Variants in ZNF219 observed in about 807,000 individuals in gnomAD.
ZNF219 encodes the protein zinc finger protein 219.
A neutral mutation model predicts 54.4 loss-of-function variants in ZNF219; 17 were observed. That is an observed-to-expected ratio of 0.31 (90% confidence interval 0.21 to 0.47). ZNF219 has a LOEUF of 0.47. Among genes scored for constraint, ZNF219 ranks in the 20% least tolerant of loss-of-function variants. ZNF219 has a pLI of 1.00. For missense variants in ZNF219, 1,014 were observed against 1,062.3 expected, an observed-to-expected ratio of 0.95 and a Z score of 0.63; for synonymous variants, 518 against 476.4, an observed-to-expected ratio of 1.09 and a Z score of -1.14.
Position 21,092,508 on chromosome 14 carries a change from G to A in ZNF219, c.789C>T (p.Ala263=), listed in dbSNP as rs775665233. Residue 263 remains alanine, a synonymous_variant, in exon 3 of 5, where the codon GCC becomes GCT. Transcript: ENST00000360947. The part of the protein sequence containing the change: ...EREATPTPAP[A]APEEPPAPPE... The stretch of plus-strand genomic sequence containing the variant: ...GAGGCGCTGGGGGCTCCTCGGGAGC[G>A]GCAGGAGCTGGGGTCGGGGTTGCCT... The A allele has an allele frequency of 6.4e-7, 1 of 1,550,896 alleles. No individual in the cohort carries two copies. Among genetic ancestry groups the A allele is most frequent in the African/African-American group, 1.4e-5 (1 of 73,226 alleles).
At chr14:21,091,378 T>C (rs1277097007) in intron 4 of ZNF219, 33 bp downstream of exon 4, 1 of 1,578,564 alleles carries the variant, frequency 6.3e-7, no homozygotes, top group Admixed American at 1.7e-5. Flanking sequence ...CCGCCCCCAG[T>C]CCCCTCTCCA....
chr14:21,091,242 G>A, intron 4 of ZNF219, 102 bp from the exon 5 acceptor site: 3 of 1,512,748 alleles, frequency 2.0e-6, no homozygotes, highest in Middle Eastern at 2.3e-4. Context: ...ACCAAGAAAG[G>A]GCACTGCGTC....
At chr14:21,097,010 A>G (rs1594604336) in intron 1 of ZNF219, among the ~76,000 whole-genome samples, 2 of 152,276 alleles carry the variant, frequency 1.3e-5, no homozygotes, top group South Asian at 4.1e-4. Context: ...ATCTGCTAAC[A>G]ATTATGATTA....
upstream of ZNF219, chr14:21,103,521 C>A: frequency 2.1e-6 from 1 of 472,202 alleles, no homozygotes; most frequent in South Asian, 2.5e-5. Flanking sequence ...TGCCTCATCG[C>A]ACTTTTCTTT....
intron 4 of ZNF219, 127 bp from the exon 5 acceptor site, chr14:21,091,267 A>AGG: frequency 1.3e-6 from 2 of 1,506,866 alleles, no homozygotes; most frequent in Non-Finnish European, 8.9e-7. Context: ...ACCCACTTTG[A>AGG]TTTAATAAAG....
rs567154483 is a variant in ZNF219 at position 21,092,759 on chromosome 14, G to A, written c.538C>T (p.Arg180Cys). 1 of 1,581,256 alleles carries A rather than the reference G, an allele frequency of 6.3e-7. No homozygotes were observed. Among genetic ancestry groups the A allele is most frequent in the Non-Finnish European group, 8.6e-7 (1 of 1,163,690 alleles). The change falls in exon 3 of 5, where the codon CGC becomes TGC. Residue 180 changes from arginine to cysteine, a missense_variant. Transcript: ENST00000360947. ...GGCCTATGCAGGATGTGCAGGTGGC[G>A]TTCGCGCTCCGCCGAGGTGCGAAAC... ...GKFRTSAERE[R>C]HLHILHRPWK...
In ZNF219 at chr14:21,092,746, A is replaced by T; in HGVS notation, c.551T>A (p.Ile184Asn). The T allele has an allele frequency of 6.3e-7, 1 of 1,587,742 alleles. No homozygotes were observed. The highest frequency in any genetic ancestry group is 8.6e-7 in the Non-Finnish European group (1 of 1,167,140). Reference protein sequence around the residue: ...TSAERERHLHILHRPWKCGLC... With the variant: ...TSAERERHLHNLHRPWKCGLC... The stretch of plus-strand genomic sequence containing the variant: ...GCCGCACTTCCAGGGCCTATGCAGG[A>T]TGTGCAGGTGGCGTTCGCGCTCCGC... The change falls in exon 3 of 5, where the codon ATC becomes AAC. Residue 184 changes from isoleucine to asparagine, a missense_variant. Physicochemically the swap from Ile to Asn is moderately radical, Grantham distance 149. This residue lies in a region of ZNF219 where 395 missense variants were observed against 415.1 expected (regional missense o/e 0.95). Coordinates refer to ENST00000360947, the MANE Select transcript of ZNF219 (RefSeq NM_016423.3).
chr14:21,093,305 C>G lies in ZNF219; in HGVS notation c.7-15G>C, dbSNP rs888294991. 3 of 1,556,606 alleles carry G rather than the reference C, an allele frequency of 1.9e-6. No individual in the cohort carries two copies. Among genetic ancestry groups the G allele is most frequent in the Non-Finnish European group, 2.6e-6 (3 of 1,160,162 alleles). On this transcript the variant is annotated splice_polypyrimidine_tract_variant and intron_variant, in intron 2 of 4. Transcript: ENST00000360947. ...GGACGTGAGCCCTGTGGAGAAAGAT[C>G]TGCGTAGAGCAAAGGGTGAAGGTAG...
At position 21,090,923 on chromosome 14, in the gene ZNF219, G is replaced by A. The variant is rs1472935292; in HGVS notation, c.1782C>T (p.Pro594=). The A allele has an allele frequency of 5.2e-6, 8 of 1,547,536 alleles. No individual in the cohort carries two copies. The East Asian group carries it at 1.7e-4, about 33-fold the overall frequency. ...PATWVEGASS[P]RPPSSGAGPG... ...GCCCAGCACCGCTAGAAGGAGGCCG[G>A]GGACTTGAGGCGCCCTCCACCCAGG... Residue 594 remains proline, a synonymous_variant, in exon 5 of 5, where the codon CCC becomes CCT. Transcript: ENST00000360947. This position sits in a 1 kb window ranked among gnomAD's most constrained non-coding sequence, Gnocchi z 4.4.
rs1400767408 is a variant in ZNF219, at chr14:21,093,640, A to G, written c.-49T>C. On this transcript the variant is annotated 5_prime_UTR_variant, in exon 2 of 5. Coordinates refer to ENST00000360947, the MANE Select transcript of ZNF219 (RefSeq NM_016423.3). ...TCTGGGAAGTGCAGGGAAGAGGAGGAAAAGCTGCTAATGAAGGCAACAGGT... is the reference window on the plus strand; with the variant it reads ...TCTGGGAAGTGCAGGGAAGAGGAGGGAAAGCTGCTAATGAAGGCAACAGGT... The G allele has an allele frequency of 6.2e-7, 1 of 1,613,998 alleles. No individual in the cohort carries two copies. The highest frequency in any genetic ancestry group is 8.5e-7 in the Non-Finnish European group (1 of 1,180,008).
chr14:21,102,933 A>G, upstream of ZNF219: 2 of 1,359,122 alleles, frequency 1.5e-6, no homozygotes, highest in South Asian at 1.5e-5. Flanking sequence ...GGCTTTGAAC[A>G]TTTCTCCCCT....
Position 21,090,803 on chromosome 14 carries a change from C to T in ZNF219, c.1902G>A (p.Gly634=), listed in dbSNP as rs1432276713. The T allele has an allele frequency of 1.3e-6, 2 of 1,572,362 alleles. No homozygotes were observed. Among genetic ancestry groups the T allele is most frequent in the East Asian group, 2.3e-5 (1 of 42,900 alleles). ...AEPLDLSLRA[G]PGGEAGPGGA... ...CCCCAGGCCCGGCCTCGCCTCCCGG[C>T]CCTGCCCGCAAGGACAGGTCCAGGG... Residue 634 remains glycine, a synonymous_variant, in exon 5 of 5, where the codon GGG becomes GGA. Transcript: ENST00000360947. The surrounding 1 kb of genome is among the most constrained non-coding windows in gnomAD (Gnocchi z 4.4).
rs772259890 is a variant in ZNF219 at position 21,092,472 on chromosome 14, G to A, written c.825C>T (p.Arg275=). Residue 275 remains arginine (R), a synonymous_variant, in exon 3 of 5, where the codon CGC becomes CGT. Coordinates refer to ENST00000360947, the MANE Select transcript of ZNF219 (RefSeq NM_016423.3). ...PEEPPAPPEF[R]CQVCGQSFTQ... is the part of the protein sequence containing the mutation. ...TAAAGCTCTGGCCGCACACTTGGCA[G>A]CGGAACTCCGGAGGCGCTGGGGGCT... is the stretch of plus-strand genomic sequence containing the variant. 58 of 1,555,316 alleles carry A rather than the reference G, an allele frequency of 3.7e-5. No individual in the cohort carries two copies. In the Middle Eastern group the frequency reaches 5.0e-4, roughly 13 times the overall value.
intron 1 of ZNF219, among the ~76,000 whole-genome samples, chr14:21,095,705 T>C: frequency 6.6e-6 from 1 of 152,194 alleles, no homozygotes; most frequent in African/African-American, 2.4e-5. Context: ...TTTGCCATTT[T>C]AGCATCGCAG....
Position 21,092,560 on chromosome 14 carries a change from G to A in ZNF219, c.737C>T (p.Pro246Leu), listed in dbSNP as rs774031675. The change falls in exon 3 of 5, where the codon CCG becomes CTG. Residue 246 changes from proline to leucine, a missense_variant. Physicochemically the swap from Pro to Leu is moderately conservative, Grantham distance 98 (BLOSUM62 -3). Transcript: ENST00000360947. ...ACGTTCGGGCTCCGGCTCCGGCTCC[G>A]GCTGGGGGACTGATCTGGGTTCGGG... ...PQPEPRSVPQPEPEPEPEREA... is the reference protein window; with the variant it reads ...PQPEPRSVPQLEPEPEPEREA... 4 of 1,548,006 alleles carry A rather than the reference G, an allele frequency of 2.6e-6. No individual in the cohort carries two copies. Among genetic ancestry groups the A allele is most frequent in the South Asian group, 1.2e-5 (1 of 83,976 alleles).
chr14:21,093,311 A>G, intron 2 of ZNF219, 21 bp from the exon 3 acceptor site: 1 of 1,555,994 alleles, frequency 6.4e-7, no homozygotes, highest in Non-Finnish European at 8.6e-7. Flanking sequence ...AGATCTGCGT[A>G]GAGCAAAGGG....
chr14:21,098,719 A>G, upstream of ZNF219: 1 of 1,172,882 alleles, frequency 8.5e-7, no homozygotes, highest in Non-Finnish European at 1.1e-6. Flanking sequence ...AGAGGATTCC[A>G]ACAGGAGACT....
rs796510070 is a variant in ZNF219 at position 21,091,006 on chromosome 14, G to A, written c.1699C>T (p.Pro567Ser). 6 of 1,553,370 alleles carry A rather than the reference G, an allele frequency of 3.9e-6. No homozygotes were observed. In the African/African-American group the frequency reaches 5.4e-5, roughly 14 times the overall value. The change falls in exon 5 of 5, where the codon CCT becomes TCT. Residue 567 changes from proline (P) to serine (S), a missense_variant. By Grantham distance (74) the Pro-to-Ser change is moderately conservative (BLOSUM62 -1). Around this residue, in one of 5 missense-constraint regions of ZNF219, gnomAD observed 281 missense variants for 271.2 expected, o/e 1.04. Transcript: ENST00000360947. Reference sequence around the variant, plus strand: ...TGCGGGGCCGAACCCCGCTGGGAAGGAGGCGGTGGCTCCGGGGGTGGCCCG... The same window carrying A: ...TGCGGGGCCGAACCCCGCTGGGAAGAAGGCGGTGGCTCCGGGGGTGGCCCG... ...GPGPPPEPPP[P>S]SQRGSAPQSG...
At chr14:21,095,712 G>A (rs1182094757) in intron 1 of ZNF219, among the ~76,000 whole-genome samples, 1 of 152,040 alleles carries the variant, frequency 6.6e-6, no homozygotes, top group Admixed American at 6.6e-5. Flanking sequence ...TTTTAGCATC[G>A]CAGATACAAC....
Sources: allele counts gnomAD v4.1 joint callset (sites outside exome capture counted in the v4.1 genomes callset), GRCh38; gene constraint gnomAD v4.1.1; regional missense constraint gnomAD v4.1.1; non-coding constraint Gnocchi (gnomAD v3.1); transcripts MANE v1.5; gene names NCBI Gene and HGNC (gene_info 2026-07-23, HGNC 2026-07-21).